PSMF1: variants seen among roughly 807,000 people sequenced by gnomAD.
PSMF1 encodes proteasome inhibitor PI31 subunit.
PSMF1 carries 30 observed loss-of-function variants against 29.3 expected under a neutral mutation model. That is an observed-to-expected ratio of 1.02 (90% confidence interval 0.77 to 1.39). The LOEUF (loss-of-function observed/expected upper bound fraction) is 1.39, where lower values mean the gene tolerates loss of function less well. Ranked by LOEUF, PSMF1 falls within the 40% of genes most tolerant of loss-of-function variation. The probability of loss-of-function intolerance (pLI) is 0.00; values close to 1 mark genes in which losing one functional copy is unlikely to be tolerated. For missense variants in PSMF1, 344 were observed against 357.5 expected (o/e 0.96, Z 0.31); for synonymous variants, 134 against 139.7 (o/e 0.96, Z 0.29).
In PSMF1 at chr20:1,169,424, A is replaced by G. The variant is rs1192365498; in HGVS notation, c.*4344A>G. On this transcript the variant is annotated 3_prime_UTR_variant, in exon 7 of 7. Coordinates refer to ENST00000335877, the MANE Select transcript of PSMF1 (RefSeq NM_006814.5). Reference sequence around the variant, plus strand: ...AACGTGAGGCTGATGGTGCAGTGCAATAGAGGTCACTGGATGCCCATTTGA... The same window carrying G: ...AACGTGAGGCTGATGGTGCAGTGCAGTAGAGGTCACTGGATGCCCATTTGA... 3.9e-5 allele frequency among the ~76,000 whole-genome samples: 6 copies of G among 152,182 alleles called. No individual in the cohort carries two copies. The highest frequency in any genetic ancestry group is 1.9e-4 in the East Asian group (1 of 5,192).
chr20:1,169,675 A>T lies in PSMF1; in HGVS notation c.*4595A>T, dbSNP rs2086770431. Among the ~76,000 whole-genome samples, 1 of 152,240 alleles carries T rather than the reference A, an allele frequency of 6.6e-6. No individual in the cohort carries two copies. Among genetic ancestry groups the T allele is most frequent in the East Asian group, 1.9e-4 (1 of 5,200 alleles). On this transcript the variant is annotated 3_prime_UTR_variant, in exon 7 of 7. Coordinates refer to ENST00000335877, the MANE Select transcript of PSMF1 (RefSeq NM_006814.5). ...ATTAGGAACTCCAGAGCCACACAGC[A>T]GCTGCCTATATCTGCACCAAAAAGT...
Position 1,171,756 on chromosome 20 carries a change from A to G in PSMF1, c.*6676A>G, listed in dbSNP as rs987249810. On this transcript the variant is annotated 3_prime_UTR_variant, in exon 7 of 7. Coordinates refer to ENST00000335877, the MANE Select transcript of PSMF1 (RefSeq NM_006814.5). ...AGTGTCTGCTGCTTCCTTACCCAGG[A>G]TGGCCCACTCTTGGGGACAGACAGG... 1.3e-5 allele frequency among the ~76,000 whole-genome samples: 2 copies of G among 152,142 alleles called. No homozygotes were observed. Among genetic ancestry groups the G allele is most frequent in the Non-Finnish European group, 1.5e-5 (1 of 68,022 alleles).
At chr20:1,150,177 C>G (rs1441256262) in intron 4 of PSMF1, among the ~76,000 whole-genome samples, 1 of 147,900 alleles carries the variant, frequency 6.8e-6, no homozygotes, top group Non-Finnish European at 1.5e-5. Context: ...AAGACCCTGT[C>G]TCAAAAAAAA....
intron 4 of PSMF1, chr20:1,161,637 G>A: frequency 2.9e-6 from 2 of 678,416 alleles, no homozygotes; most frequent in Non-Finnish European, 5.5e-6. Flanking sequence ...CAGCAGATGT[G>A]GATTAGCAAG....
In PSMF1 at chr20:1,171,698, C is replaced by A. The variant is rs903709736; in HGVS notation, c.*6618C>A. Reference sequence around the variant, plus strand: ...GGTCAGCGCCCAGCCTCCCTAAAGCCGCTGGAGGAGGCCTTTGGAGCCAGC... The same window carrying A: ...GGTCAGCGCCCAGCCTCCCTAAAGCAGCTGGAGGAGGCCTTTGGAGCCAGC... On this transcript the variant is annotated 3_prime_UTR_variant, in exon 7 of 7. Transcript: ENST00000335877. Among the ~76,000 whole-genome samples the A allele has an allele frequency of 6.6e-6, 1 of 152,200 alleles. No homozygotes were observed. Among genetic ancestry groups the A allele is most frequent in the African/African-American group, 2.4e-5 (1 of 41,458 alleles).
intron 4 of PSMF1, 101 bp downstream of exon 4, chr20:1,135,407 T>A: frequency 4.0e-6 from 5 of 1,257,778 alleles, no homozygotes; most frequent in Non-Finnish European, 5.4e-6. Context: ...CCCGTATGTG[T>A]TTTCAACAAA....
In PSMF1 at chr20:1,162,414, CAT is replaced by C. The variant is rs748234695; in HGVS notation, c.552-712_552-711del. Among the ~76,000 whole-genome samples the C allele has an allele frequency of 7.0e-4, 107 of 151,970 alleles. 1 individual carries two copies. The highest frequency in any genetic ancestry group is 2.6e-4 in the Non-Finnish European group (18 of 68,004). ...AAAGTGCTGCCATTTAAAAAAAAGA[CAT>C]ATAAGACTTTTGAAGGACTGTGTAT... is the stretch of plus-strand genomic sequence containing the variant. On this transcript the variant is annotated intron_variant, in intron 4 of 6. Coordinates refer to ENST00000335877, the MANE Select transcript of PSMF1 (RefSeq NM_006814.5).
intron 3 of PSMF1, 122 bp from the exon 4 acceptor site, chr20:1,134,999 C>T: frequency 1.0e-6 from 1 of 957,572 alleles, no homozygotes; most frequent in Non-Finnish European, 1.6e-6. Flanking sequence ...CACTTATAAA[C>T]AGGCCAAGCG....
At chr20:1,136,647 A>T (rs2086310716) in intron 4 of PSMF1, among the ~76,000 whole-genome samples, 1 of 152,266 alleles carries the variant, frequency 6.6e-6, no homozygotes, top group South Asian at 2.1e-4. Flanking sequence ...TGTGTATTCC[A>T]TGCGTAGGTG....
rs1234503512 is a variant in PSMF1 at position 1,125,482 on chromosome 20, AC to A, written c.130-15del. 6.3e-7 allele frequency: 1 copy of A among 1,593,828 alleles called. No homozygotes were observed. Among genetic ancestry groups the A allele is most frequent in the South Asian group, 1.1e-5 (1 of 87,854 alleles). ...TGAGTTCATGATCTTTCTCCTCTCA[AC>A]TGTGGTCTTCCCAGCCGGGTCCCAA... is the stretch of plus-strand genomic sequence containing the variant. On this transcript the variant is annotated splice_polypyrimidine_tract_variant and intron_variant, in intron 1 of 6. Coordinates refer to ENST00000335877, the MANE Select transcript of PSMF1 (RefSeq NM_006814.5).
At chr20:1,153,463 T>A (rs189237277) in intron 4 of PSMF1, among the ~76,000 whole-genome samples, 2 of 152,210 alleles carry the variant, frequency 1.3e-5, no homozygotes, top group African/African-American at 4.8e-5. Flanking sequence ...GCATTCTTCT[T>A]CCTCCACAAT....
At chr20:1,136,778 CTG>C (rs1324797959) in intron 4 of PSMF1, among the ~76,000 whole-genome samples, 2 of 152,226 alleles carry the variant, frequency 1.3e-5, no homozygotes, top group African/African-American at 4.8e-5. Flanking sequence ...CCACAAAACT[CTG>C]TTGCTGTTAC....
chr20:1,133,200 T>G (rs1476879137), intron 3 of PSMF1, among the ~76,000 whole-genome samples: 1 of 151,450 alleles, frequency 6.6e-6, no homozygotes, highest in Non-Finnish European at 1.5e-5. Context: ...CACAGTAAAG[T>G]ATATTGTTAG....
intron 4 of PSMF1, among the ~76,000 whole-genome samples, chr20:1,160,368 T>G (rs756848919): frequency 3.1e-4 from 47 of 152,204 alleles, no homozygotes; most frequent in African/African-American, 7.2e-4. Flanking sequence ...TGCCATGATG[T>G]TCCTAACTGG....
rs57226315 is a variant in PSMF1 at position 1,161,699 on chromosome 20, T to C, written c.552-1431T>C. On this transcript the variant is annotated intron_variant, in intron 4 of 6. Transcript: ENST00000335877. The stretch of plus-strand genomic sequence containing the variant: ...CATGTCCACCACAAATGCTTCTAAA[T>C]GGACTACAAGCAGATGTGTAGCATT... 4,427 of 627,794 alleles carry C rather than the reference T, an allele frequency of 7.1e-3. 161 individuals carry two copies. In the African/African-American group the frequency reaches 0.073, roughly 10 times the overall value. The allele number at this position is 627,794 out of a possible 1,614,324, so 38.9% of individuals were successfully genotyped here.
rs1338696487 is a variant in PSMF1, at chr20:1,135,228, T to A, written c.473T>A (p.Phe158Tyr). ...AATGTAAGCAGTCCCCACCGGGAGT[T>A]CCCCCCTGCTACCGCCAGAGAGGTG... The part of the protein sequence containing the change: ...KANVSSPHRE[F>Y]PPATAREVDP... The change falls in exon 4 of 7, where the codon TTC (phenylalanine) becomes TAC (tyrosine). Residue 158 changes from phenylalanine (F) to tyrosine (Y), a missense_variant. By Grantham distance (22) the Phe-to-Tyr change is conservative (BLOSUM62 3). Transcript: ENST00000335877. 1 of 1,613,534 alleles carries A rather than the reference T, an allele frequency of 6.2e-7. No individual in the cohort carries two copies. The highest frequency in any genetic ancestry group is 1.7e-5 in the Admixed American group (1 of 59,944).
At chr20:1,118,946 T>C in intron 1 of PSMF1, 44 bp downstream of exon 1, 3 of 1,605,794 alleles carry the variant, frequency 1.9e-6, no homozygotes, top group Non-Finnish European at 2.6e-6. Flanking sequence ...AACTGTCTTC[T>C]GCCCAAACTC....
At position 1,165,312 on chromosome 20, in the gene PSMF1, C is replaced by T; in HGVS notation, c.*232C>T. The stretch of plus-strand genomic sequence containing the variant: ...GAAATCAGTGTGTCTCTTTCACCAT[C>T]AGCTCCTCCCCTTTCACCACCAGCT... On this transcript the variant is annotated 3_prime_UTR_variant, in exon 7 of 7. Transcript: ENST00000335877. The T allele has an allele frequency of 1.4e-6, 2 of 1,401,846 alleles. No individual in the cohort carries two copies. Among genetic ancestry groups the T allele is most frequent in the Non-Finnish European group, 1.9e-6 (2 of 1,081,054 alleles). 86.8% of individuals were successfully genotyped at this position (1,401,846 alleles called of 1,614,324 possible). A position where few individuals can be genotyped will look rare whatever the true frequency, so the allele number is the denominator to read the frequency against.
At chr20:1,133,569 A>ATTTTTTTTTTT (rs1217034678) in intron 3 of PSMF1, among the ~76,000 whole-genome samples, 1 of 53,302 alleles carries the variant, frequency 1.9e-5, no homozygotes, top group Non-Finnish European at 4.6e-5. Flanking sequence ...ATATATATAT[A>ATTTTTTTTTTT]TTTTTTTTTT....
Sources: gnomAD v4.1 joint callset for allele counts (sites outside exome capture counted in the v4.1 genomes callset) on GRCh38, gnomAD v4.1.1 for gene constraint, MANE v1.5 for transcripts, NCBI Gene and HGNC (gene_info 2026-07-23, HGNC 2026-07-21) for gene names.